Variants in SLC16A12 observed in about 807,000 individuals in gnomAD.
SLC16A12 encodes monocarboxylate transporter 12.
In SLC16A12, 17 loss-of-function variants were observed where a neutral mutation model predicts 42.4. The ratio of observed to expected loss-of-function variants is 0.40; its 90% CI spans 0.27 to 0.60. The LOEUF (loss-of-function observed/expected upper bound fraction) is 0.60. Ranked by LOEUF, SLC16A12 falls within the 20% of genes least tolerant of loss-of-function variation. The probability of loss-of-function intolerance (pLI) is 0.42; values close to 1 mark genes in which losing one functional copy is unlikely to be tolerated. For synonymous variants in SLC16A12, 224 were observed against 229.4 expected, an observed-to-expected ratio of 0.98 and a Z score of 0.21; for missense variants, 544 against 623.0, an observed-to-expected ratio of 0.87 and a Z score of 1.35.
intron 2 of SLC16A12, among the ~76,000 whole-genome samples, chr10:89,553,441 C>G (rs929191058): frequency 6.6e-5 from 10 of 152,212 alleles, no homozygotes; most frequent in African/African-American, 2.2e-4. Flanking sequence ...ATATTGCCAA[C>G]TAGCATGACT....
intron 2 of SLC16A12, among the ~76,000 whole-genome samples, chr10:89,549,617 A>G (rs1320573466): frequency 6.6e-6 from 1 of 152,188 alleles, no homozygotes; most frequent in Non-Finnish European, 1.5e-5. Flanking sequence ...TTAAGTTTAT[A>G]AAAAGAAGCC....
chr10:89,504,639 A>T (rs1843033307), intron 2 of SLC16A12, among the ~76,000 whole-genome samples: 1 of 152,240 alleles, frequency 6.6e-6, no homozygotes, highest in Non-Finnish European at 1.5e-5. Flanking sequence ...GTTACAGACT[A>T]GGAAGAAAGT....
intron 2 of SLC16A12, among the ~76,000 whole-genome samples, chr10:89,471,836 G>A (rs561558543): frequency 2.6e-5 from 4 of 152,098 alleles, no homozygotes; most frequent in African/African-American, 9.7e-5. Flanking sequence ...ATATCAAATG[G>A]TATCTCATTG....
chr10:89,457,260 G>A (rs961147544), intron 3 of SLC16A12, among the ~76,000 whole-genome samples: 3 of 151,890 alleles, frequency 2.0e-5, no homozygotes, highest in Non-Finnish European at 4.4e-5. Context: ...GAATCTACAA[G>A]GAACTTAAAC....
At chr10:89,515,388 C>T (rs1843234371) in intron 2 of SLC16A12, among the ~76,000 whole-genome samples, 1 of 152,172 alleles carries the variant, frequency 6.6e-6, no homozygotes, top group Non-Finnish European at 1.5e-5. Context: ...TTCATATCCT[C>T]GGTATTCATT....
chr10:89,486,187 A>G (rs1439885070), intron 2 of SLC16A12, among the ~76,000 whole-genome samples: 1 of 152,036 alleles, frequency 6.6e-6, no homozygotes, highest in Non-Finnish European at 1.5e-5. Flanking sequence ...GCAGGGTTGG[A>G]AGGCAGTGAG....
At chr10:89,553,555 C>A (rs1843784253) in intron 2 of SLC16A12, among the ~76,000 whole-genome samples, 1 of 152,212 alleles carries the variant, frequency 6.6e-6, no homozygotes, top group African/African-American at 2.4e-5. Context: ...GAAAAGAATG[C>A]AGACTTTGTG....
At chr10:89,477,911 A>T (rs7921314) in intron 2 of SLC16A12, among the ~76,000 whole-genome samples, 3,200 of 131,856 alleles carry the variant, frequency 0.024, 82 homozygotes, top group African/African-American at 0.047. Context: ...GTTTATTAAG[A>T]GTAGGACTTG....
chr10:89,482,707 T>G (rs1842685056), intron 2 of SLC16A12, among the ~76,000 whole-genome samples: 1 of 151,266 alleles, frequency 6.6e-6, no homozygotes, highest in Non-Finnish European at 1.5e-5. Flanking sequence ...TCCTTGAGCC[T>G]GTGAGGTAGA....
intron 2 of SLC16A12, among the ~76,000 whole-genome samples, chr10:89,540,770 T>C (rs555708403): frequency 6.6e-6 from 1 of 152,338 alleles, no homozygotes; most frequent in East Asian, 1.9e-4. Context: ...TCATTTACTA[T>C]GACTCAAAGC....
intron 3 of SLC16A12, among the ~76,000 whole-genome samples, chr10:89,447,521 G>A (rs548275709): frequency 6.6e-6 from 1 of 152,256 alleles, no homozygotes; most frequent in African/African-American, 2.4e-5. Flanking sequence ...GGTAAATAAC[G>A]AAATGTAGGC....
rs1467477715 is a variant in SLC16A12 at position 89,436,196 on chromosome 10, G to A, written c.1152C>T (p.Gly384=). ...PLLVPFSCTF[G]YFDGAYVTLI... ...AAGTCACATAGGCACCATCAAAGTAGCCAAAGGTACAAGAGAAAGGCACGA... is the reference window on the plus strand; with the variant it reads ...AAGTCACATAGGCACCATCAAAGTAACCAAAGGTACAAGAGAAAGGCACGA... Residue 384 remains glycine, a synonymous_variant, in exon 7 of 8, where the codon GGC becomes GGT. Coordinates refer to ENST00000371790, the MANE Select transcript of SLC16A12 (RefSeq NM_213606.4). 6.2e-7 allele frequency: 1 copy of A among 1,614,004 alleles called. No individual in the cohort carries two copies. The highest frequency in any genetic ancestry group is 1.3e-5 in the African/African-American group (1 of 74,918).
Position 89,431,312 on chromosome 10 carries a change from AT to A in SLC16A12, c.*1751del, listed in dbSNP as rs1178401784. ...ATGCCCAGTCCCAAATATTTTTAAAATTGCAAATGACAAAGTCAATGGGGTT... is the reference window on the plus strand; with the variant it reads ...ATGCCCAGTCCCAAATATTTTTAAAATGCAAATGACAAAGTCAATGGGGTT... On this transcript the variant is annotated 3_prime_UTR_variant, in exon 8 of 8. Transcript: ENST00000371790. The A allele has an allele frequency of 6.6e-6, 1 of 152,260 alleles. No homozygotes were observed. Among genetic ancestry groups the A allele is most frequent in the Non-Finnish European group, 1.5e-5 (1 of 68,066 alleles). The allele number at this position is 152,260 out of a possible 1,614,324, so 9.4% of individuals were successfully genotyped here. A position where few individuals can be genotyped will look rare whatever the true frequency, so the allele number is the denominator to read the frequency against.
At chr10:89,541,447 A>AT in intron 2 of SLC16A12, among the ~76,000 whole-genome samples, 1 of 152,246 alleles carries the variant, frequency 6.6e-6, no homozygotes, top group East Asian at 1.9e-4. Flanking sequence ...AATTTTAAAA[A>AT]TTAGCTAGAC....
chr10:89,501,488 C>A (rs1842990341), intron 2 of SLC16A12, among the ~76,000 whole-genome samples: 1 of 152,074 alleles, frequency 6.6e-6, no homozygotes, highest in African/African-American at 2.4e-5. Context: ...GAATAGAGAA[C>A]CCAGAAATAA....
intron 2 of SLC16A12, among the ~76,000 whole-genome samples, chr10:89,465,541 A>G (rs1339097896): frequency 1.3e-5 from 2 of 152,208 alleles, no homozygotes; most frequent in African/African-American, 4.8e-5. Flanking sequence ...TTTCCAAAAT[A>G]TAACTTTGTG....
intron 2 of SLC16A12, among the ~76,000 whole-genome samples, chr10:89,533,180 T>C (rs573228386): frequency 1.4e-4 from 21 of 151,982 alleles, no homozygotes; most frequent in Middle Eastern, 3.4e-3. Flanking sequence ...TTTTTTTTTT[T>C]CCATGATTAT....
At chr10:89,514,749 C>A (rs985085327) in intron 2 of SLC16A12, among the ~76,000 whole-genome samples, 1 of 152,182 alleles carries the variant, frequency 6.6e-6, no homozygotes, top group Non-Finnish European at 1.5e-5. Context: ...GTTGACATGA[C>A]CCATCAATCC....
intron 2 of SLC16A12, among the ~76,000 whole-genome samples, chr10:89,489,034 T>A (rs1430304377): frequency 3.3e-5 from 5 of 152,206 alleles, no homozygotes; most frequent in African/African-American, 4.8e-5. Context: ...TAAGTAATCA[T>A]CTCTAGAAAT....
Sources: allele counts gnomAD v4.1 joint callset (sites outside exome capture counted in the v4.1 genomes callset), GRCh38; gene constraint gnomAD v4.1.1; transcripts MANE v1.5; gene names NCBI Gene and HGNC (gene_info 2026-07-23, HGNC 2026-07-21).